RIMS1: variants seen among roughly 807,000 people sequenced by gnomAD.
RIMS1 encodes the protein regulating synaptic membrane exocytosis 1.
A neutral mutation model predicts 214.1 loss-of-function variants in RIMS1; 83 were observed. The observed-to-expected ratio is 0.39, with a 90% CI of 0.32 to 0.47. The LOEUF (loss-of-function observed/expected upper bound fraction) is 0.47. Ranked by LOEUF, RIMS1 falls within the 20% of genes least tolerant of loss-of-function variation. The pLI is 0.99. For synonymous variants in RIMS1, 793 were observed against 786.8 expected, an observed-to-expected ratio of 1.01 and a Z score of -0.13; for missense variants, 2,050 against 2,161.8, an observed-to-expected ratio of 0.95 and a Z score of 1.03.
intron 2 of RIMS1, among the ~76,000 whole-genome samples, chr6:72,016,215 G>C (rs957310127): frequency 1.3e-5 from 2 of 152,032 alleles, no homozygotes; most frequent in Non-Finnish European, 2.9e-5. Flanking sequence ...CTGGTAATTT[G>C]TTGATGATTT....
intron 29 of RIMS1, among the ~76,000 whole-genome samples, chr6:72,362,744 C>T (rs2097864998): frequency 6.6e-6 from 1 of 152,098 alleles, no homozygotes; most frequent in East Asian, 1.9e-4. Flanking sequence ...GATTTCTAAC[C>T]ATCTCTTCAT....
At chr6:72,239,832 G>T (rs2065951814) in intron 9 of RIMS1, among the ~76,000 whole-genome samples, 1 of 152,188 alleles carries the variant, frequency 6.6e-6, no homozygotes, top group Non-Finnish European at 1.5e-5. Flanking sequence ...TGGTCCACCT[G>T]TAGGTTCCTG....
chr6:71,923,151 A>G (rs1780525016), intron 1 of RIMS1, among the ~76,000 whole-genome samples: 1 of 152,188 alleles, frequency 6.6e-6, no homozygotes, highest in African/African-American at 2.4e-5. Flanking sequence ...GTAATGTTCT[A>G]CAGTTTCCGC....
intron 22 of RIMS1, among the ~76,000 whole-genome samples, chr6:72,269,975 T>G (rs2082248416): frequency 6.6e-6 from 1 of 152,174 alleles, no homozygotes; most frequent in Non-Finnish European, 1.5e-5. Flanking sequence ...CTTCCTTTTC[T>G]TTTGCCAGTC....
At chr6:72,073,146 C>T (rs1410202981) in intron 2 of RIMS1, among the ~76,000 whole-genome samples, 2 of 152,132 alleles carry the variant, frequency 1.3e-5, no homozygotes, top group African/African-American at 4.8e-5. Flanking sequence ...CTTTCTTGAG[C>T]AGCATTTGTA....
chr6:72,136,646 C>T (rs1330169433), intron 4 of RIMS1, among the ~76,000 whole-genome samples: 1 of 152,018 alleles, frequency 6.6e-6, no homozygotes, highest in African/African-American at 2.4e-5. Flanking sequence ...AAAATAATCA[C>T]TCCAAAATTT....
chr6:71,953,631 A>G (rs1233489015), intron 1 of RIMS1, among the ~76,000 whole-genome samples: 1 of 152,186 alleles, frequency 6.6e-6, no homozygotes, highest in East Asian at 1.9e-4. Flanking sequence ...TTACCACTGT[A>G]CTTTCCCTTT....
intron 31 of RIMS1, among the ~76,000 whole-genome samples, chr6:72,397,651 C>CT (rs1400216769): frequency 1.3e-5 from 2 of 152,160 alleles, no homozygotes; most frequent in African/African-American, 4.8e-5. Context: ...CATTATAACC[C>CT]TATTTACATA....
At chr6:71,974,720 AAG>A (rs767029160) in intron 2 of RIMS1, among the ~76,000 whole-genome samples, 24 of 152,198 alleles carry the variant, frequency 1.6e-4, no homozygotes, top group Non-Finnish European at 3.2e-4. Flanking sequence ...TAAAATCAAG[AAG>A]AGAGCTAATT....
chr6:72,301,012 G>A (rs907379099), intron 26 of RIMS1, among the ~76,000 whole-genome samples: 1 of 151,624 alleles, frequency 6.6e-6, no homozygotes, highest in African/African-American at 2.4e-5. Flanking sequence ...AAGGCAATGT[G>A]GTATTTTCAC....
At chr6:72,090,947 C>T (rs2153792975) in intron 2 of RIMS1, among the ~76,000 whole-genome samples, 1 of 152,288 alleles carries the variant, frequency 6.6e-6, no homozygotes, top group East Asian at 1.9e-4. Flanking sequence ...CTTTAATATC[C>T]ATGCCACTAA....
At chr6:72,140,748 A>C (rs1046030100) in intron 4 of RIMS1, among the ~76,000 whole-genome samples, 1 of 152,098 alleles carries the variant, frequency 6.6e-6, no homozygotes, top group African/African-American at 2.4e-5. Flanking sequence ...TCAGATTATC[A>C]AGGATTACAG....
At chr6:72,273,611 C>T (rs1197851819) in intron 22 of RIMS1, among the ~76,000 whole-genome samples, 1 of 152,034 alleles carries the variant, frequency 6.6e-6, no homozygotes, top group Non-Finnish European at 1.5e-5. Context: ...TAAAAAGCAT[C>T]CATTTAATTG....
chr6:72,162,974 G>C (rs1379951972), intron 4 of RIMS1, among the ~76,000 whole-genome samples: 1 of 133,554 alleles, frequency 7.5e-6, no homozygotes, highest in Non-Finnish European at 1.7e-5. Context: ...ATAATATCCT[G>C]CAGAGTGTTT....
chr6:71,938,646 G>A (rs1785163280), intron 1 of RIMS1, among the ~76,000 whole-genome samples: 1 of 152,162 alleles, frequency 6.6e-6, no homozygotes, highest in African/African-American at 2.4e-5. Flanking sequence ...ACCTGAGGTG[G>A]CTCTGGGGAG....
chr6:71,932,278 G>A (rs1449247453), intron 1 of RIMS1, among the ~76,000 whole-genome samples: 2 of 152,176 alleles, frequency 1.3e-5, no homozygotes, highest in Admixed American at 6.5e-5. Context: ...ATATAACCAC[G>A]GAATACCATG....
chr6:72,269,163 A>G (rs1220393446), intron 22 of RIMS1, among the ~76,000 whole-genome samples: 2 of 152,066 alleles, frequency 1.3e-5, no homozygotes, highest in African/African-American at 4.8e-5. Context: ...AATTCCTGTA[A>G]TCTGTAGCTG....
At chr6:71,905,193 G>A (rs547949336) in intron 1 of RIMS1, among the ~76,000 whole-genome samples, 16 of 151,786 alleles carry the variant, frequency 1.1e-4, no homozygotes, top group Admixed American at 7.2e-4. Flanking sequence ...TTTTTATATG[G>A]GAAAATAGAG....
At chr6:72,079,759 C>G (rs961235138) in intron 2 of RIMS1, among the ~76,000 whole-genome samples, 2 of 151,890 alleles carry the variant, frequency 1.3e-5, no homozygotes, top group Admixed American at 1.3e-4. Flanking sequence ...GTGGGGCGTG[C>G]TTGTAGTCCC....
Sources: allele counts gnomAD v4.1 joint callset (sites outside exome capture counted in the v4.1 genomes callset), GRCh38; gene constraint gnomAD v4.1.1; transcripts MANE v1.5; gene names NCBI Gene and HGNC (gene_info 2026-07-23, HGNC 2026-07-21).